The following KLRC4 variants were observed in gnomAD, a reference collection of about 807,000 sequenced individuals.
The protein encoded by KLRC4 is killer cell lectin like receptor C4.
Under a neutral mutation model 14.3 loss-of-function variants are expected in KLRC4, and 6 were observed. The observed-to-expected ratio is 0.42, with a 90% CI of 0.23 to 0.83. The LOEUF (loss-of-function observed/expected upper bound fraction) is 0.83, where lower values mean the gene tolerates loss of function less well. KLRC4 is among the 40% of genes least tolerant of loss of function. The pLI, the probability that KLRC4 is intolerant of heterozygous loss-of-function variation, is 0.29. For synonymous variants in KLRC4, 53 were observed against 60.5 expected (o/e 0.88, Z 0.57); for missense variants, 158 against 179.4 (o/e 0.88, Z 0.68).
At position 10,409,443 on chromosome 12, in the gene KLRC4, G is replaced by A. The variant is rs377544745; in HGVS notation, c.133C>T (p.Leu45Phe). 9.9e-6 allele frequency: 16 copies of A among 1,613,330 alleles called. No individual in the cohort carries two copies. The highest frequency in any genetic ancestry group is 1.1e-5 in the Non-Finnish European group (13 of 1,179,418). Reference sequence around the variant, plus strand: ...TGATGATCCGAAGAAGCATTTTGAAGGTTTAATTCTACTTGGAATATTTCC... The same window carrying A: ...TGATGATCCGAAGAAGCATTTTGAAAGTTTAATTCTACTTGGAATATTTCC... ...KQEIFQVELN[L>F]QNASSDHQGN... Residue 45 changes from leucine (L) to phenylalanine (F), a missense_variant, in exon 1 of 4, where the codon CTT becomes TTT. Transcript: ENST00000309384.
chr12:10,409,248 A>G (rs1435861741), intron 1 of KLRC4, 141 bp downstream of exon 1: 2 of 985,780 alleles, frequency 2.0e-6, no homozygotes, highest in African/African-American at 1.6e-5. Flanking sequence ...ATCAGGCTTC[A>G]GATTTCATAT....
rs555638676 is a variant in KLRC4, at chr12:10,407,587, A to G, written c.*66T>C. 1 of 1,548,028 alleles carries G rather than the reference A, an allele frequency of 6.5e-7. No homozygotes were observed. Among genetic ancestry groups the G allele is most frequent in the South Asian group, 1.2e-5 (1 of 83,078 alleles). On this transcript the variant is annotated 3_prime_UTR_variant, in exon 4 of 4. Coordinates refer to ENST00000309384, the MANE Select transcript of KLRC4 (RefSeq NM_013431.2). ...TATGGATGATTTCTACAAATATGAT[A>G]TTGACAGAAATAAGCTTTTAGTAAA... is the stretch of plus-strand genomic sequence containing the variant.
intron 3 of KLRC4, 69 bp downstream of exon 3, chr12:10,408,256 TTATC>T: frequency 1.1e-6 from 1 of 882,284 alleles, no homozygotes; most frequent in Non-Finnish European, 1.8e-6. Context: ...AAACATTTTA[TTATC>T]ATTTTGCATC....
At position 10,408,309 on chromosome 12, in the gene KLRC4, C is replaced by G; in HGVS notation, c.340+20G>C. The G allele has an allele frequency of 7.2e-7, 1 of 1,393,068 alleles. No homozygotes were observed. The highest frequency in any genetic ancestry group is 1.8e-4 in the Middle Eastern group (1 of 5,640). The allele number at this position is 1,393,068 out of a possible 1,614,324, so 86.3% of individuals were successfully genotyped here. Reference sequence around the variant, plus strand: ...AATATAAACTGTACTAACATCAGAACATTGACAATCATAATGTACCTTTCT... The same window carrying G: ...AATATAAACTGTACTAACATCAGAAGATTGACAATCATAATGTACCTTTCT... On this transcript the variant is annotated intron_variant, in intron 3 of 3. Coordinates refer to ENST00000309384, the MANE Select transcript of KLRC4 (RefSeq NM_013431.2).
rs764412497 is a variant in KLRC4 at position 10,409,611 on chromosome 12, T to C, written c.-36A>G. 20 of 1,580,844 alleles carry C rather than the reference T, an allele frequency of 1.3e-5. No homozygotes were observed. The South Asian group carries it at 1.9e-4, about 15-fold the overall frequency. ...GTGTGATGTCAGGGACTGTGCTCTA[T>C]GATAACTGCACTTAAGAAGCTATAA... On this transcript the variant is annotated 5_prime_UTR_variant, in exon 1 of 4. Transcript: ENST00000309384.
chr12:10,409,053 G>A (rs553630388), intron 1 of KLRC4, 43 bp from the exon 2 acceptor site: 6 of 1,608,186 alleles, frequency 3.7e-6, no homozygotes, highest in East Asian at 2.2e-5. Context: ...GAGATAGAGA[G>A]TTGATGAGAA....
Position 10,409,712 on chromosome 12 carries a change from G to A in KLRC4, c.-137C>T. On this transcript the variant is annotated 5_prime_UTR_variant, in exon 1 of 4. Transcript: ENST00000309384. Reference sequence around the variant, plus strand: ...GAGGCTGAGTAGTAATGTTCATTTTGCTGTTGACCAATATAAAAGTCTGGT... The same window carrying A: ...GAGGCTGAGTAGTAATGTTCATTTTACTGTTGACCAATATAAAAGTCTGGT... The A allele has an allele frequency of 1.6e-6, 2 of 1,245,894 alleles. No homozygotes were observed. The highest frequency in any genetic ancestry group is 2.1e-6 in the Non-Finnish European group (2 of 942,018). The allele number at this position is 1,245,894 out of a possible 1,614,324, so 77.2% of individuals were successfully genotyped here. A position where few individuals can be genotyped will look rare whatever the true frequency, so the allele number is the denominator to read the frequency against.
rs1435645383 is a variant in KLRC4, at chr12:10,409,653, C to T, written c.-78G>A. On this transcript the variant is annotated 5_prime_UTR_variant, in exon 1 of 4. Coordinates refer to ENST00000309384, the MANE Select transcript of KLRC4 (RefSeq NM_013431.2). The stretch of plus-strand genomic sequence containing the variant: ...AAGCTATAAGTGGTGTATATTTTGA[C>T]AGGATCCCTGGTATAGGCAAACTGC... 55 of 1,503,864 alleles carry T rather than the reference C, an allele frequency of 3.7e-5. No homozygotes were observed. In the Admixed American group the frequency reaches 1.2e-3, roughly 33 times the overall value. The allele number at this position is 1,503,864 out of a possible 1,614,324, so 93.2% of individuals were successfully genotyped here. A position where few individuals can be genotyped will look rare whatever the true frequency, so the allele number is the denominator to read the frequency against.
chr12:10,409,731 G>C lies in KLRC4; in HGVS notation c.-156C>G. 1 of 1,101,410 alleles carries C rather than the reference G, an allele frequency of 9.1e-7. No individual in the cohort carries two copies. The highest frequency in any genetic ancestry group is 1.2e-6 in the Non-Finnish European group (1 of 835,884). The allele number at this position is 1,101,410 out of a possible 1,614,324, so 68.2% of individuals were successfully genotyped here. On this transcript the variant is annotated 5_prime_UTR_variant, in exon 1 of 4. Coordinates refer to ENST00000309384, the MANE Select transcript of KLRC4 (RefSeq NM_013431.2). The stretch of plus-strand genomic sequence containing the variant: ...CATTTTGCTGTTGACCAATATAAAA[G>C]TCTGGTACTAATTTCCTAAAGTTTT...
Position 10,407,560 on chromosome 12 carries a change from C to G in KLRC4, c.*93G>C, listed in dbSNP as rs992933403. 3 of 1,429,632 alleles carry G rather than the reference C, an allele frequency of 2.1e-6. No individual in the cohort carries two copies. In the African/African-American group the frequency reaches 4.3e-5, roughly 20 times the overall value. The allele number at this position is 1,429,632 out of a possible 1,614,324, so 88.6% of individuals were successfully genotyped here. On this transcript the variant is annotated 3_prime_UTR_variant, in exon 4 of 4. Transcript: ENST00000309384. ...TATATGAAGTAAATATATGTATAAA[C>G]ATATGGATGATTTCTACAAATATGA... is the stretch of plus-strand genomic sequence containing the variant.
Position 10,409,545 on chromosome 12 carries a change from C to T in KLRC4, c.31G>A (p.Val11Met). The change falls in exon 1 of 4, where the codon GTG (valine) becomes ATG (methionine). Residue 11 changes from valine to methionine, a missense_variant. Physicochemically the swap from Val to Met is conservative, Grantham distance 21. Coordinates refer to ENST00000309384, the MANE Select transcript of KLRC4 (RefSeq NM_013431.2). ...CTCTTTGGGTCCTGGGCCAGACTCA[C>T]TTCTGAGTAGGTTCCTCTTTGTTTA... MNKQRGTYSE[V>M]SLAQDPKRQQ... The T allele has an allele frequency of 1.9e-6, 3 of 1,613,654 alleles. No homozygotes were observed. Among genetic ancestry groups the T allele is most frequent in the Non-Finnish European group, 2.5e-6 (3 of 1,179,832 alleles).
chr12:10,407,672 G>GT lies in KLRC4; in HGVS notation c.457dup (p.Thr153AsnfsTer49). On this transcript the variant is annotated frameshift_variant, in exon 4 of 4. Coordinates refer to ENST00000309384, the MANE Select transcript of KLRC4 (RefSeq NM_013431.2). LOFTEE classifies it high-confidence loss of function. ...CATTATCTATAGAAAGCAGATCAGA[G>GT]TTCTTCGAAGCACAGGCCAGCAAAC... 1 of 1,613,690 alleles carries GT rather than the reference G, an allele frequency of 6.2e-7. No individual in the cohort carries two copies. The highest frequency in any genetic ancestry group is 1.1e-5 in the South Asian group (1 of 91,042).
At chr12:10,408,578 CTT>C (rs201053474) in intron 2 of KLRC4, among the ~76,000 whole-genome samples, 196 bp from the exon 3 acceptor site, 2,179 of 152,116 alleles carry the variant, frequency 0.014, 46 homozygotes, top group African/African-American at 0.05. Flanking sequence ...TTCACCATCT[CTT>C]ATAGTATTTG....
rs1863515518 is a variant in KLRC4, at chr12:10,407,521, C to G, written c.*132G>C. On this transcript the variant is annotated 3_prime_UTR_variant, in exon 4 of 4. Coordinates refer to ENST00000309384, the MANE Select transcript of KLRC4 (RefSeq NM_013431.2). ...ATATTATGAAGTCAGTTGAATACTA[C>G]ACAGACTTAAAAATATATGAAGTAA... 7 of 1,093,790 alleles carry G rather than the reference C, an allele frequency of 6.4e-6. No individual in the cohort carries two copies. Among genetic ancestry groups the G allele is most frequent in the Non-Finnish European group, 9.0e-6 (7 of 774,872 alleles). The allele number at this position is 1,093,790 out of a possible 1,614,324, so 67.8% of individuals were successfully genotyped here.
chr12:10,408,301 C>T (rs1365373264), intron 3 of KLRC4, 28 bp downstream of exon 3: 2 of 1,330,054 alleles, frequency 1.5e-6, no homozygotes, highest in Non-Finnish European at 2.2e-6. Flanking sequence ...ACTGTACTAA[C>T]ATCAGAACAT....
At chr12:10,409,045 GA>G (rs1212604187) in intron 1 of KLRC4, 35 bp from the exon 2 acceptor site, 2 of 1,611,088 alleles carry the variant, frequency 1.2e-6, no homozygotes, top group African/African-American at 2.7e-5. Context: ...AGAGAGGGGA[GA>G]TAGAGAGTTG....
intron 3 of KLRC4, 146 bp from the exon 4 acceptor site, chr12:10,407,935 T>G: frequency 8.4e-7 from 1 of 1,186,338 alleles, no homozygotes; most frequent in Non-Finnish European, 1.1e-6. Flanking sequence ...AACGAGTCAC[T>G]CATACGCACA....
intron 2 of KLRC4, among the ~76,000 whole-genome samples, chr12:10,408,585 T>C (rs1272155124): frequency 6.6e-6 from 1 of 152,170 alleles, no homozygotes; most frequent in Non-Finnish European, 1.5e-5. Flanking sequence ...TCTCTTATAG[T>C]ATTTGATCTA....
Position 10,407,538 on chromosome 12 carries a change from A to T in KLRC4, c.*115T>A. On this transcript the variant is annotated 3_prime_UTR_variant, in exon 4 of 4. Transcript: ENST00000309384. Reference sequence around the variant, plus strand: ...GAATACTACACAGACTTAAAAATATATGAAGTAAATATATGTATAAACATA... The same window carrying T: ...GAATACTACACAGACTTAAAAATATTTGAAGTAAATATATGTATAAACATA... The T allele has an allele frequency of 8.1e-7, 1 of 1,233,372 alleles. No individual in the cohort carries two copies. The highest frequency in any genetic ancestry group is 2.0e-4 in the Middle Eastern group (1 of 4,966). 76.4% of individuals were successfully genotyped at this position (1,233,372 alleles called of 1,614,324 possible). A position where few individuals can be genotyped will look rare whatever the true frequency, so the allele number is the denominator to read the frequency against.
Sources: allele counts gnomAD v4.1 joint callset (sites outside exome capture counted in the v4.1 genomes callset), GRCh38; gene constraint gnomAD v4.1.1; transcripts MANE v1.5; gene names NCBI Gene and HGNC (gene_info 2026-07-23, HGNC 2026-07-21).